PCDH19: variants seen among roughly 807,000 people sequenced by gnomAD.
The protein encoded by PCDH19 is protocadherin-19.
In PCDH19, 6 loss-of-function variants were observed where a neutral mutation model predicts 46.2. The observed-to-expected ratio is 0.13, with a 90% confidence interval of 0.07 to 0.26. The LOEUF is 0.26. PCDH19 is among the 10% of genes least tolerant of loss of function. PCDH19 has a pLI of 1.00. For missense variants in PCDH19, 740 were observed against 972.3 expected, an observed-to-expected ratio of 0.76 and a Z score of 3.18; for synonymous variants, 481 against 415.7, an observed-to-expected ratio of 1.16 and a Z score of -1.91.
intron 3 of PCDH19, among the ~76,000 whole-genome samples, chrX:100,370,993 ATGTG>A (rs59834814): frequency 0.29 from 28,475 of 98,131 alleles, 3,500 homozygotes; most frequent in East Asian, 0.65. Flanking sequence ...GTGTGTGTGC[ATGTG>A]TGTGTGTGTG....
chrX:100,383,643 T>C (rs923074605), intron 3 of PCDH19, among the ~76,000 whole-genome samples: 1 of 112,346 alleles, frequency 8.9e-6, no homozygotes, highest in African/African-American at 3.2e-5. Flanking sequence ...CTAAATATTA[T>C]ATACATGTCA....
chrX:100,409,651 C>CTCAGCAGCTGCCACA lies in PCDH19; in HGVS notation c.-1055_-1054insTGTGGCAGCTGCTGA. ...TACCGGCCAGGAGAGGCGGGGCCGC[C>CTCAGCAGCTGCCACA]GCCGTGGGTACCGGGTGCTTCTCTT... On this transcript the variant is annotated 5_prime_UTR_variant, in exon 1 of 6. Coordinates refer to ENST00000373034, the MANE Select transcript of PCDH19 (RefSeq NM_001184880.2). 1 of 196,082 alleles carries CTCAGCAGCTGCCACA rather than the reference C, an allele frequency of 5.1e-6. No homozygotes were observed. Among genetic ancestry groups the CTCAGCAGCTGCCACA allele is most frequent in the Non-Finnish European group, 9.1e-6 (1 of 109,892 alleles). 16.2% of individuals were successfully genotyped at this position (196,082 alleles called of 1,213,427 possible). A position where few individuals can be genotyped will look rare whatever the true frequency, so the allele number is the denominator to read the frequency against.
At position 100,408,058 on chromosome X, in the gene PCDH19, C is replaced by T. The variant is rs368094294; in HGVS notation, c.540G>A (p.Thr180=). The T allele has an allele frequency of 9.1e-6, 11 of 1,208,371 alleles. No homozygotes were observed. The highest frequency in any genetic ancestry group is 1.7e-5 in the African/African-American group (1 of 57,547). Reference sequence around the variant, plus strand: ...CGGCAAAGCGGGAGCCGTCGCCGCGCGTCTTGATCTCCAGGCCGAACAGCT... The same window carrying T: ...CGGCAAAGCGGGAGCCGTCGCCGCGTGTCTTGATCTCCAGGCCGAACAGCT... ...PNELFGLEIK[T]RGDGSRFAEL... is the part of the protein sequence containing the mutation. The change falls in exon 1 of 6, where the codon ACG becomes ACA. Residue 180 remains threonine, a synonymous_variant. Coordinates refer to ENST00000373034, the MANE Select transcript of PCDH19 (RefSeq NM_001184880.2).
chrX:100,395,876 G>A (rs746872275), intron 3 of PCDH19, among the ~76,000 whole-genome samples: 5 of 112,811 alleles, frequency 4.4e-5, no homozygotes, highest in Non-Finnish European at 7.5e-5. Flanking sequence ...AATGTAACTT[G>A]AAGAGCATTT....
chrX:100,305,380 C>T (rs1924913482), intron 5 of PCDH19, among the ~76,000 whole-genome samples: 1 of 111,426 alleles, frequency 9.0e-6, no homozygotes, highest in Non-Finnish European at 1.9e-5. Flanking sequence ...TGACAGAATT[C>T]GCCACTACCA....
chrX:100,407,471 C>T lies in PCDH19; in HGVS notation c.1127G>A (p.Arg376His). 3 of 1,211,765 alleles carry T rather than the reference C, an allele frequency of 2.5e-6. No individual in the cohort carries two copies. Among genetic ancestry groups the T allele is most frequent in the Non-Finnish European group, 3.3e-6 (3 of 895,637 alleles). The change falls in exon 1 of 6, where the codon CGC becomes CAC. Residue 376 changes from arginine to histidine, a missense_variant. Around this residue, in one of 5 missense-constraint regions of PCDH19, gnomAD observed 186 missense variants for 319.9 expected, o/e 0.58. Coordinates refer to ENST00000373034, the MANE Select transcript of PCDH19 (RefSeq NM_001184880.2). Reference protein sequence around the residue: ...YVIALVRVSDRDSGLNGRVQC... With the variant: ...YVIALVRVSDHDSGLNGRVQC... ...CACACGTCCATTGAGGCCTGAGTCG[C>T]GATCAGACACCCGCACCAAGGCGAT...
At chrX:100,337,894 A>G (rs1410104500) in intron 5 of PCDH19, among the ~76,000 whole-genome samples, 7 of 112,389 alleles carry the variant, frequency 6.2e-5, no homozygotes, top group Admixed American at 2.8e-4. Context: ...CATGTATTGA[A>G]GCATCACATT....
rs188745136 is a variant in PCDH19, at chrX:100,407,554, C to T, written c.1044G>A (p.Leu348=). Residue 348 remains leucine, a synonymous_variant, in exon 1 of 6, where the codon CTG becomes CTA. Transcript: ENST00000373034. ...CCACAAGCTCACTGTTGACTGACAG[C>T]AGGTTGATGACCGGCGGATTGTCAT... ...DTNDNPPVIN[L]LSVNSELVEV... is the part of the protein sequence containing the mutation. The T allele has an allele frequency of 4.2e-5, 51 of 1,210,218 alleles. 1 individual carries two copies. The East Asian group carries it at 1.5e-3, about 36-fold the overall frequency.
chrX:100,320,544 T>C (rs1048365815), intron 5 of PCDH19, among the ~76,000 whole-genome samples: 2 of 112,004 alleles, frequency 1.8e-5, no homozygotes. Flanking sequence ...TGGATCATTT[T>C]TGAGAAATGA....
At chrX:100,376,894 A>C (rs897508366) in intron 3 of PCDH19, among the ~76,000 whole-genome samples, 2 of 112,560 alleles carry the variant, frequency 1.8e-5, no homozygotes. Context: ...CAATAAAATC[A>C]CAACTGGTAA....
At chrX:100,384,814 T>C (rs2147519405) in intron 3 of PCDH19, among the ~76,000 whole-genome samples, 1 of 111,601 alleles carries the variant, frequency 9.0e-6, no homozygotes, top group African/African-American at 3.3e-5. Flanking sequence ...GTACATGCAT[T>C]TGTAATTTTG....
chrX:100,382,257 C>G, intron 3 of PCDH19, among the ~76,000 whole-genome samples: 1 of 110,685 alleles, frequency 9.0e-6, no homozygotes, highest in Non-Finnish European at 1.9e-5. Context: ...TTCCTTAAAA[C>G]CCCCCACAAG....
chrX:100,377,520 G>A (rs1011918106), intron 3 of PCDH19, among the ~76,000 whole-genome samples: 2 of 112,021 alleles, frequency 1.8e-5, no homozygotes, highest in Non-Finnish European at 3.8e-5. Flanking sequence ...TGTAAACTCC[G>A]CAGTATCTAG....
chrX:100,330,427 G>A (rs973770262), intron 5 of PCDH19, among the ~76,000 whole-genome samples: 1 of 112,305 alleles, frequency 8.9e-6, no homozygotes, highest in Admixed American at 9.4e-5. Flanking sequence ...AGCGACCACA[G>A]AAATTGGAAA....
chrX:100,333,412 T>C lies in PCDH19; in HGVS notation c.2848+8491A>G, dbSNP rs181513682. Among the ~76,000 whole-genome samples the C allele has an allele frequency of 6.4e-3, 713 of 111,464 alleles. 6 individuals carry two copies. The South Asian group carries it at 0.084, about 13-fold the overall frequency. The stretch of plus-strand genomic sequence containing the variant: ...GCATAATTTTATCTAGCATACTATG[T>C]TGGGGCCTGGCTTCCACCATTCCTC... On this transcript the variant is annotated intron_variant, in intron 5 of 5. Transcript: ENST00000373034.
chrX:100,375,354 T>C lies in PCDH19; in HGVS notation c.2617-24650A>G, dbSNP rs762469428. 4.5e-5 allele frequency among the ~76,000 whole-genome samples: 5 copies of C among 112,086 alleles called. No homozygotes were observed. The South Asian group carries it at 1.9e-3, about 42-fold the overall frequency. On this transcript the variant is annotated intron_variant, in intron 3 of 5. Coordinates refer to ENST00000373034, the MANE Select transcript of PCDH19 (RefSeq NM_001184880.2). ...AGTGAGAACATGTGGTGTTTGGTTT[T>C]GTGTCCTTGCGATAGTTTGCTGAGA...
At chrX:100,312,132 A>AGAG (rs1404183471) in intron 5 of PCDH19, among the ~76,000 whole-genome samples, 1 of 110,538 alleles carries the variant, frequency 9.0e-6, no homozygotes, top group Non-Finnish European at 1.9e-5. Flanking sequence ...AAGAGAGAAG[A>AGAG]GAGAAAGAGA....
chrX:100,300,985 T>C (rs1924761461), intron 5 of PCDH19, among the ~76,000 whole-genome samples: 1 of 108,538 alleles, frequency 9.2e-6, no homozygotes, highest in South Asian at 4.0e-4. Context: ...AAGGCAGTAA[T>C]GACTAAGTCA....
At chrX:100,342,346 T>A (rs1448906572) in intron 4 of PCDH19, among the ~76,000 whole-genome samples, 1 of 112,486 alleles carries the variant, frequency 8.9e-6, no homozygotes, top group Non-Finnish European at 1.9e-5. Context: ...GCTACAATTC[T>A]AAAACTGCCT....
Sources: gnomAD v4.1 joint callset for allele counts (sites outside exome capture counted in the v4.1 genomes callset) on GRCh38, gnomAD v4.1.1 for gene constraint, gnomAD v4.1.1 regional missense constraint, MANE v1.5 for transcripts, NCBI Gene and HGNC (gene_info 2026-07-23, HGNC 2026-07-21) for gene names.